The following TLK2 variants were observed in gnomAD, a reference collection of about 807,000 sequenced individuals.
The protein encoded by TLK2 is tousled like kinase 2.
A neutral mutation model predicts 117.3 loss-of-function variants in TLK2; 6 were observed. That is an observed-to-expected ratio of 0.05 (90% CI 0.03 to 0.10). TLK2 has a LOEUF of 0.10. TLK2 is among the 10% of genes least tolerant of loss of function. The probability of loss-of-function intolerance (pLI) is 1.00; values close to 1 mark genes in which losing one functional copy is unlikely to be tolerated. For synonymous variants in TLK2, 257 were observed against 316.7 expected, an observed-to-expected ratio of 0.81 and a Z score of 2.00; for missense variants, 299 against 901.2, an observed-to-expected ratio of 0.33 and a Z score of 8.56.
chr17:62,558,892 C>G (rs1158863442), intron 9 of TLK2, among the ~76,000 whole-genome samples: 2 of 152,088 alleles, frequency 1.3e-5, no homozygotes, highest in African/African-American at 2.4e-5. Flanking sequence ...AATTGAGTAT[C>G]GTGTGATATC....
At position 62,607,421 on chromosome 17, in the gene TLK2, C is replaced by T. The variant is rs147610893; in HGVS notation, c.1972-620C>T. ...GCGGGTGCCTGTAGTCCCAGCTACT[C>T]GGGAGGCTGAGGCAGGAGAATGGCA... On this transcript the variant is annotated intron_variant, in intron 20 of 21. Coordinates refer to ENST00000346027, the MANE Select transcript of TLK2 (RefSeq NM_006852.6). Among the ~76,000 whole-genome samples the T allele has an allele frequency of 5.2e-3, 790 of 151,394 alleles. 8 individuals carry two copies. Among genetic ancestry groups the T allele is most frequent in the African/African-American group, 0.017 (696 of 41,250 alleles).
rs2147363763 is a variant in TLK2 at position 62,612,715 on chromosome 17, A to G, written c.*150A>G. The G allele has an allele frequency of 2.7e-6, 2 of 734,102 alleles. No homozygotes were observed. The highest frequency in any genetic ancestry group is 4.1e-6 in the Non-Finnish European group (2 of 489,982). The allele number at this position is 734,102 out of a possible 1,614,324, so 45.5% of individuals were successfully genotyped here. ...CTTGCTTTTTTCCCATCCATAGAGC[A>G]TGACAGCATCGATTCTCATTGAGGA... On this transcript the variant is annotated 3_prime_UTR_variant, in exon 22 of 22. Coordinates refer to ENST00000346027, the MANE Select transcript of TLK2 (RefSeq NM_006852.6).
chr17:62,527,199 C>G (rs908981852), intron 6 of TLK2, among the ~76,000 whole-genome samples: 1 of 152,152 alleles, frequency 6.6e-6, no homozygotes, highest in African/African-American at 2.4e-5. Flanking sequence ...CTTAGCTAAG[C>G]GGTCTCCCTT....
intron 2 of TLK2, among the ~76,000 whole-genome samples, chr17:62,510,018 C>T (rs2145218175): frequency 6.6e-6 from 1 of 152,304 alleles, no homozygotes; most frequent in East Asian, 1.9e-4. Context: ...GTGGCTCATG[C>T]CTGTAATCCC....
chr17:62,610,328 C>T (rs1371858956), intron 21 of TLK2, among the ~76,000 whole-genome samples: 1 of 152,180 alleles, frequency 6.6e-6, no homozygotes, highest in Non-Finnish European at 1.5e-5. Context: ...TACTGAATGC[C>T]TGTGAAACAC....
chr17:62,508,602 T>C (rs1244490549), intron 2 of TLK2: 1 of 949,784 alleles, frequency 1.1e-6, no homozygotes, highest in Non-Finnish European at 1.3e-6. Flanking sequence ...TGTTGTTAGT[T>C]ATATGAAAGT....
chr17:62,574,458 T>C (rs746723166), intron 12 of TLK2: 13 of 867,808 alleles, frequency 1.5e-5, no homozygotes, highest in Admixed American at 2.2e-5. Context: ...AGTATAGCGA[T>C]AAAAATGTGC....
At chr17:62,610,806 G>C (rs1046474944) in intron 21 of TLK2, among the ~76,000 whole-genome samples, 7 of 152,156 alleles carry the variant, frequency 4.6e-5, no homozygotes, top group African/African-American at 1.7e-4. Flanking sequence ...GTTGATTGCT[G>C]TTTTAAGAGC....
At chr17:62,484,756 A>G (rs1309721553) in intron 2 of TLK2, among the ~76,000 whole-genome samples, 1 of 152,074 alleles carries the variant, frequency 6.6e-6, no homozygotes, top group Non-Finnish European at 1.5e-5. Flanking sequence ...ATTTCCCAAT[A>G]AGAATATCAC....
chr17:62,577,095 T>C (rs2080862392), intron 13 of TLK2, among the ~76,000 whole-genome samples: 1 of 151,672 alleles, frequency 6.6e-6, no homozygotes, highest in African/African-American at 2.4e-5. Flanking sequence ...CCTGACTAGC[T>C]GGGATTACAG....
chr17:62,609,325 C>G (rs1008112866), intron 21 of TLK2, among the ~76,000 whole-genome samples: 1 of 152,164 alleles, frequency 6.6e-6, no homozygotes, highest in Non-Finnish European at 1.5e-5. Context: ...CTCAAGCCAT[C>G]CGCCTGCCTC....
At chr17:62,596,558 C>CTTGT in intron 16 of TLK2, 27 bp from the exon 17 acceptor site, 1 of 1,579,586 alleles carries the variant, frequency 6.3e-7, no homozygotes, top group African/African-American at 1.3e-5. Flanking sequence ...AATATACCTT[C>CTTGT]TTGTTAATTT....
intron 2 of TLK2, among the ~76,000 whole-genome samples, chr17:62,519,728 G>A (rs1843819525): frequency 6.6e-6 from 1 of 152,008 alleles, no homozygotes; most frequent in African/African-American, 2.4e-5. Context: ...TTTTCAGATT[G>A]TTCAATTGCA....
At chr17:62,540,616 C>G (rs2077462769) in intron 7 of TLK2, among the ~76,000 whole-genome samples, 1 of 150,760 alleles carries the variant, frequency 6.6e-6, no homozygotes, top group African/African-American at 2.4e-5. Context: ...CCAGGCTGGT[C>G]TTGAACTCCT....
intron 2 of TLK2, among the ~76,000 whole-genome samples, chr17:62,512,332 C>T (rs1326654047): frequency 3.3e-5 from 5 of 149,382 alleles, no homozygotes; most frequent in Non-Finnish European, 5.9e-5. Context: ...AAGCAATTCT[C>T]CTGCCTCAGC....
chr17:62,507,863 C>T (rs1186150335), intron 2 of TLK2, among the ~76,000 whole-genome samples: 2 of 151,422 alleles, frequency 1.3e-5, no homozygotes, highest in Admixed American at 6.6e-5. Flanking sequence ...TTTTTAAGAT[C>T]CCCCTAGAAA....
chr17:62,560,559 C>T (rs540468804), intron 10 of TLK2, among the ~76,000 whole-genome samples: 27 of 151,926 alleles, frequency 1.8e-4, no homozygotes, highest in African/African-American at 6.3e-4. Flanking sequence ...TTAAAGTTGT[C>T]ATATACCTGC....
chr17:62,486,284 A>T (rs944343249), intron 2 of TLK2, among the ~76,000 whole-genome samples: 5 of 151,934 alleles, frequency 3.3e-5, no homozygotes, highest in Non-Finnish European at 7.4e-5. Context: ...AGCCTCCCCA[A>T]GTAGCTAGGA....
rs572812743 is a variant in TLK2 at position 62,568,404 on chromosome 17, G to C, written c.968+3267G>C. Among the ~76,000 whole-genome samples, 191 of 145,502 alleles carry C rather than the reference G, an allele frequency of 1.3e-3. 1 individual carries two copies. The highest frequency in any genetic ancestry group is 4.7e-3 in the African/African-American group (183 of 39,254). Reference sequence around the variant, plus strand: ...CCAAGATTGTGCCACTGCACTCCAGGCTGGGTGACAGAGCGAGACCCTGTC... The same window carrying C: ...CCAAGATTGTGCCACTGCACTCCAGCCTGGGTGACAGAGCGAGACCCTGTC... On this transcript the variant is annotated intron_variant, in intron 11 of 21. Coordinates refer to ENST00000346027, the MANE Select transcript of TLK2 (RefSeq NM_006852.6).
Sources: gnomAD v4.1 joint callset for allele counts (sites outside exome capture counted in the v4.1 genomes callset) on GRCh38, gnomAD v4.1.1 for gene constraint, MANE v1.5 for transcripts, NCBI Gene and HGNC (gene_info 2026-07-23, HGNC 2026-07-21) for gene names.